Variants in RANBP17 observed in about 807,000 individuals in gnomAD.
RANBP17 encodes RAN binding protein 17, also known as ran-binding protein 17.
In RANBP17, 158 loss-of-function variants were observed where a neutral mutation model predicts 141.2. The observed-to-expected ratio is 1.12, with a 90% CI of 0.98 to 1.28. The LOEUF (loss-of-function observed/expected upper bound fraction) is 1.28. Ranked by LOEUF, RANBP17 falls within the 50% of genes most tolerant of loss-of-function variation. The probability of loss-of-function intolerance (pLI) is 0.00; values close to 1 mark genes in which losing one functional copy is unlikely to be tolerated. For synonymous variants in RANBP17, 430 were observed against 450.0 expected, an observed-to-expected ratio of 0.96 and a Z score of 0.56; for missense variants, 1,438 against 1,290.7, an observed-to-expected ratio of 1.11 and a Z score of -1.75.
At chr5:170,862,755 C>T (rs981470740) in intron 1 of RANBP17, among the ~76,000 whole-genome samples, 1 of 152,198 alleles carries the variant, frequency 6.6e-6, no homozygotes, top group Non-Finnish European at 1.5e-5. Flanking sequence ...CATCCCCGTT[C>T]AGTTATTCAG....
chr5:171,131,191 G>A (rs1463087455), intron 14 of RANBP17, among the ~76,000 whole-genome samples: 1 of 152,146 alleles, frequency 6.6e-6, no homozygotes, highest in East Asian at 1.9e-4. Flanking sequence ...GAGATTACCT[G>A]TAGTAAGCTC....
chr5:171,253,010 A>G, intron 24 of RANBP17: 2 of 1,147,682 alleles, frequency 1.7e-6, no homozygotes, highest in Non-Finnish European at 2.6e-6. Flanking sequence ...ATGAAGAGAT[A>G]CTTTCTGCCG....
In RANBP17 at chr5:171,251,751, G is replaced by T; in HGVS notation, c.2776+8931G>T. On this transcript the variant is annotated intron_variant, in intron 24 of 27. Coordinates refer to ENST00000523189, the MANE Select transcript of RANBP17 (RefSeq NM_022897.5). Reference sequence around the variant, plus strand: ...GGCTGCGGTGCGAGCAGGTGGCCCCGTTCCCCTCCTCCCGCGCCCGCCCCC... The same window carrying T: ...GGCTGCGGTGCGAGCAGGTGGCCCCTTTCCCCTCCTCCCGCGCCCGCCCCC... The T allele has an allele frequency of 3.6e-6, 3 of 844,794 alleles. No individual in the cohort carries two copies. The South Asian group carries it at 4.3e-5, about 12-fold the overall frequency. The allele number at this position is 844,794 out of a possible 1,614,324, so 52.3% of individuals were successfully genotyped here. A position where few individuals can be genotyped will look rare whatever the true frequency, so the allele number is the denominator to read the frequency against.
chr5:171,296,112 C>A, intron 27 of RANBP17, 98 bp downstream of exon 27: 1 of 1,225,026 alleles, frequency 8.2e-7, no homozygotes, highest in Non-Finnish European at 1.2e-6. Flanking sequence ...ACATGGATGT[C>A]CCTTTTCTGT....
chr5:170,948,599 C>T (rs563638579), intron 12 of RANBP17, among the ~76,000 whole-genome samples: 15 of 152,248 alleles, frequency 9.9e-5, no homozygotes, highest in Middle Eastern at 6.8e-3. Flanking sequence ...CGTCGTGGAT[C>T]AGAAGACTTA....
chr5:171,173,883 G>T (rs1481584487), intron 16 of RANBP17, among the ~76,000 whole-genome samples: 1 of 152,142 alleles, frequency 6.6e-6, no homozygotes, highest in Non-Finnish European at 1.5e-5. Context: ...AAATAGAGCT[G>T]CATTGTATGT....
rs377566693 is a variant in RANBP17, at chr5:171,058,745, G to C, written c.1710+90368G>C. Among the ~76,000 whole-genome samples, 60 of 150,324 alleles carry C rather than the reference G, an allele frequency of 4.0e-4. 1 individual carries two copies. The South Asian group carries it at 0.011, about 28-fold the overall frequency. On this transcript the variant is annotated intron_variant, in intron 14 of 27. Transcript: ENST00000523189. ...CCCTGAGGAATCGCCACACTGACTT[G>C]CACAATGGTTGAACTAGTTCACAGT... is the stretch of plus-strand genomic sequence containing the variant.
intron 14 of RANBP17, among the ~76,000 whole-genome samples, chr5:171,069,465 T>G (rs1728998303): frequency 6.6e-6 from 1 of 152,216 alleles, no homozygotes; most frequent in Admixed American, 6.5e-5. Context: ...GCTAGCTCAA[T>G]GGTTTCAGTG....
intron 18 of RANBP17, among the ~76,000 whole-genome samples, chr5:171,186,883 C>T (rs927249070): frequency 6.6e-6 from 1 of 151,858 alleles, no homozygotes; most frequent in Non-Finnish European, 1.5e-5. Context: ...TGTGTTTTTG[C>T]TGGCATTTTA....
intron 4 of RANBP17, among the ~76,000 whole-genome samples, chr5:170,894,486 T>TA (rs376342999): frequency 0.016 from 2,191 of 133,282 alleles, 165 homozygotes; most frequent in African/African-American, 0.05. Context: ...TACGTGTTTT[T>TA]TATATATATA....
chr5:171,112,534 A>G (rs1755312854), intron 14 of RANBP17, among the ~76,000 whole-genome samples: 1 of 152,056 alleles, frequency 6.6e-6, no homozygotes, highest in South Asian at 2.1e-4. Context: ...TTTTGGCTAT[A>G]TGAACTCTTT....
intron 12 of RANBP17, among the ~76,000 whole-genome samples, chr5:170,930,940 T>G (rs1426174964): frequency 6.6e-6 from 1 of 152,204 alleles, no homozygotes; most frequent in Non-Finnish European, 1.5e-5. Flanking sequence ...ATGGGATGAC[T>G]GGGTCAAATG....
chr5:171,181,246 C>T (rs576945602), intron 16 of RANBP17, among the ~76,000 whole-genome samples: 44 of 152,204 alleles, frequency 2.9e-4, no homozygotes, highest in Non-Finnish European at 5.6e-4. Flanking sequence ...GTCAGGAGTT[C>T]AAGACCAGCA....
At chr5:170,909,601 T>TTTTA in intron 5 of RANBP17, 60 bp from the exon 6 acceptor site, 1 of 454,852 alleles carries the variant, frequency 2.2e-6, no homozygotes, top group Non-Finnish European at 3.7e-6. Context: ...TTTTTTTTAG[T>TTTTA]AAATTTTGGT....
chr5:171,273,617 T>C (rs1767270539), intron 25 of RANBP17, among the ~76,000 whole-genome samples: 1 of 152,232 alleles, frequency 6.6e-6, no homozygotes, highest in East Asian at 1.9e-4. Context: ...TAGCCACTGA[T>C]TGAAAATTAA....
At chr5:171,117,829 T>TTGTTGTTG in intron 14 of RANBP17, among the ~76,000 whole-genome samples, 1 of 147,450 alleles carries the variant, frequency 6.8e-6, no homozygotes, top group East Asian at 2.0e-4. Flanking sequence ...TATGTGGGGT[T>TTGTTGTTG]TTGTTGTTGT....
chr5:171,047,268 T>G (rs1485985585), intron 14 of RANBP17, among the ~76,000 whole-genome samples: 1 of 151,726 alleles, frequency 6.6e-6, no homozygotes, highest in African/African-American at 2.4e-5. Context: ...TCCACCCACC[T>G]CGGCACCCCA....
chr5:171,211,185 G>T (rs189713102), intron 20 of RANBP17, among the ~76,000 whole-genome samples: 1 of 151,962 alleles, frequency 6.6e-6, no homozygotes, highest in Admixed American at 6.6e-5. Flanking sequence ...CTTTATTTTT[G>T]TTATTTTCAT....
intron 16 of RANBP17, among the ~76,000 whole-genome samples, chr5:171,177,600 G>A (rs997731282): frequency 6.6e-6 from 1 of 152,124 alleles, no homozygotes; most frequent in East Asian, 1.9e-4. Flanking sequence ...TTGACACACT[G>A]TAACTCAACT....
Sources: gnomAD v4.1 joint callset for allele counts (sites outside exome capture counted in the v4.1 genomes callset) on GRCh38, gnomAD v4.1.1 for gene constraint, MANE v1.5 for transcripts, NCBI Gene and HGNC (gene_info 2026-07-23, HGNC 2026-07-21) for gene names.